Variants in HOOK1 observed in about 807,000 individuals in gnomAD.
HOOK1 encodes the protein hook microtubule tethering protein 1.
A neutral mutation model predicts 112.8 loss-of-function variants in HOOK1; 60 were observed. The observed-to-expected ratio is 0.53, with a 90% CI of 0.43 to 0.66. HOOK1 has a LOEUF of 0.66. Among genes scored for constraint, HOOK1 ranks in the 30% least tolerant of loss-of-function variants. The pLI, the probability that HOOK1 is intolerant of heterozygous loss-of-function variation, is 0.00. For missense variants in HOOK1, 770 were observed against 856.0 expected (o/e 0.90, Z 1.25); for synonymous variants, 294 against 283.8 (o/e 1.04, Z -0.36).
rs1010589572 is a variant in HOOK1 at position 59,843,556 on chromosome 1, A to T, written c.746A>T (p.His249Leu). Residue 249 changes from histidine to leucine, a missense_variant, in exon 9 of 22, where the codon CAT (histidine) becomes CTT (leucine). Physicochemically the swap from His to Leu is moderately conservative, Grantham distance 99. This residue lies in a region of HOOK1 where 655 missense variants were observed against 725.9 expected (regional missense o/e 0.90). Transcript: ENST00000371208. ...ACAGTGGTTGCAAAAAAGTATTTTC[A>T]TGCACAATTACAACTAGAACAATTA... The part of the protein sequence containing the change: ...PNTVVAKKYF[H>L]AQLQLEQLQE... 6 of 1,609,372 alleles carry T rather than the reference A, an allele frequency of 3.7e-6. No individual in the cohort carries two copies. The highest frequency in any genetic ancestry group is 5.1e-6 in the Non-Finnish European group (6 of 1,177,794).
chr1:59,815,314 C>G (rs548347772), intron 1 of HOOK1, 134 bp downstream of exon 1: 2 of 818,660 alleles, frequency 2.4e-6, no homozygotes, highest in Non-Finnish European at 3.7e-6. Context: ...ACCTCGTGCC[C>G]TTGACCGAGA....
chr1:59,841,227 G>A (rs1031805418), intron 8 of HOOK1, among the ~76,000 whole-genome samples: 1 of 152,166 alleles, frequency 6.6e-6, no homozygotes, highest in African/African-American at 2.4e-5. Flanking sequence ...AGAAGGTTAA[G>A]TGTACCTTCA....
chr1:59,873,980 T>C lies in HOOK1; in HGVS notation c.*1015T>C, dbSNP rs987363879. ...TTTATCTTGGGCTCAGTTTGTGGTATTCAGTTCGTTTCTGCCCAAAGCTCT... is the reference window on the plus strand; with the variant it reads ...TTTATCTTGGGCTCAGTTTGTGGTACTCAGTTCGTTTCTGCCCAAAGCTCT... On this transcript the variant is annotated 3_prime_UTR_variant, in exon 22 of 22. Transcript: ENST00000371208. The C allele has an allele frequency of 8.6e-5, 13 of 151,970 alleles. No individual in the cohort carries two copies. The highest frequency in any genetic ancestry group is 3.1e-4 in the African/African-American group (13 of 41,412). 9.4% of individuals were successfully genotyped at this position (151,970 alleles called of 1,614,324 possible).
chr1:59,865,038 C>T, intron 17 of HOOK1, 125 bp from the exon 18 acceptor site: 1 of 658,386 alleles, frequency 1.5e-6, no homozygotes, highest in Non-Finnish European at 2.8e-6. Flanking sequence ...CATGACAACC[C>T]CTGCAGTCAT....
intron 12 of HOOK1, among the ~76,000 whole-genome samples, chr1:59,849,604 C>G (rs1348962799): frequency 6.6e-6 from 1 of 151,630 alleles, no homozygotes; most frequent in Non-Finnish European, 1.5e-5. Flanking sequence ...ACTGCCATCA[C>G]TCTAAAAAGA....
At chr1:59,863,509 C>G (rs17119803) in intron 16 of HOOK1, among the ~76,000 whole-genome samples, 4,868 of 152,188 alleles carry the variant, frequency 0.032, 136 homozygotes, top group Admixed American at 0.087. Context: ...AGAGATCAAA[C>G]TTAGCCAAAA....
chr1:59,863,715 T>A (rs2098414805), intron 16 of HOOK1: 1 of 246,420 alleles, frequency 4.1e-6, no homozygotes, highest in Non-Finnish European at 6.5e-6. Flanking sequence ...GGAGGAAACT[T>A]TGCAGAGTAA....
At chr1:59,850,513 T>A (rs1226449571) in intron 12 of HOOK1, among the ~76,000 whole-genome samples, 1 of 151,560 alleles carries the variant, frequency 6.6e-6, no homozygotes, top group Non-Finnish European at 1.5e-5. Flanking sequence ...AGCTCATATA[T>A]TTAGTCTGTG....
At chr1:59,843,884 C>G (rs760602662) in intron 9 of HOOK1, among the ~76,000 whole-genome samples, 1 of 151,968 alleles carries the variant, frequency 6.6e-6, no homozygotes, top group Non-Finnish European at 1.5e-5. Flanking sequence ...TTGCTGAAAC[C>G]TGGGGAGAAC....
chr1:59,862,767 G>A lies in HOOK1; in HGVS notation c.1533-17G>A, dbSNP rs770217003. 2.7e-6 allele frequency: 4 copies of A among 1,504,848 alleles called. No individual in the cohort carries two copies. Among genetic ancestry groups the A allele is most frequent in the Non-Finnish European group, 3.7e-6 (4 of 1,081,670 alleles). 93.2% of individuals were successfully genotyped at this position (1,504,848 alleles called of 1,614,324 possible). A position where few individuals can be genotyped will look rare whatever the true frequency, so the allele number is the denominator to read the frequency against. On this transcript the variant is annotated splice_polypyrimidine_tract_variant and intron_variant, in intron 15 of 21. Coordinates refer to ENST00000371208, the MANE Select transcript of HOOK1 (RefSeq NM_015888.6). Reference sequence around the variant, plus strand: ...ACTTTCAATACAAGTAAATGCTTATGACCCATCTTACAATAGGCTGAGCAA... The same window carrying A: ...ACTTTCAATACAAGTAAATGCTTATAACCCATCTTACAATAGGCTGAGCAA...
intron 21 of HOOK1, 54 bp from the exon 22 acceptor site, chr1:59,872,741 C>A: frequency 8.1e-7 from 1 of 1,239,206 alleles, no homozygotes; most frequent in East Asian, 2.9e-5. Context: ...GAGAAGCACT[C>A]GGCAAACTCT....
At chr1:59,844,781 T>C (rs548404295) in intron 9 of HOOK1, among the ~76,000 whole-genome samples, 1 of 152,096 alleles carries the variant, frequency 6.6e-6, no homozygotes, top group East Asian at 1.9e-4. Flanking sequence ...GTATGTCTTT[T>C]GTTAATTTTT....
intron 2 of HOOK1, among the ~76,000 whole-genome samples, chr1:59,824,807 A>G (rs1397721363): frequency 6.6e-6 from 1 of 152,264 alleles, no homozygotes; most frequent in African/African-American, 2.4e-5. Flanking sequence ...TCTCTTTTTC[A>G]AATGCATGTA....
chr1:59,865,116 A>G (rs780760083), intron 17 of HOOK1, 47 bp from the exon 18 acceptor site: 20 of 1,183,824 alleles, frequency 1.7e-5, no homozygotes, highest in Non-Finnish European at 2.1e-5. Flanking sequence ...AAGGTCCACA[A>G]ATGTTATATG....
rs142171152 is a variant in HOOK1 at position 59,866,317 on chromosome 1, A to G, written c.1845+345A>G. Among the ~76,000 whole-genome samples the G allele has an allele frequency of 4.8e-3, 730 of 152,298 alleles. 7 individuals are homozygous for G. The highest frequency in any genetic ancestry group is 0.036 in the South Asian group (173 of 4,822). ...TCTTTGCAAATTTTCTAAGAATACA[A>G]TTTTTCTAGAAACAGCAAAATGGAT... is the stretch of plus-strand genomic sequence containing the variant. On this transcript the variant is annotated intron_variant, in intron 19 of 21. Coordinates refer to ENST00000371208, the MANE Select transcript of HOOK1 (RefSeq NM_015888.6).
Position 59,873,765 on chromosome 1 carries a change from A to ATAT in HOOK1, c.*800_*801insTAT, listed in dbSNP as rs1553465916. On this transcript the variant is annotated 3_prime_UTR_variant, in exon 22 of 22. Coordinates refer to ENST00000371208, the MANE Select transcript of HOOK1 (RefSeq NM_015888.6). ...TATATATATATATATATATATATAT[A>ATAT]CTTTTTGTGAAATGTCTATATACTT... The ATAT allele has an allele frequency of 3.1e-4, 38 of 122,976 alleles. No homozygotes were observed. Among genetic ancestry groups the ATAT allele is most frequent in the African/African-American group, 3.9e-4 (13 of 33,600 alleles). 7.6% of individuals were successfully genotyped at this position (122,976 alleles called of 1,614,324 possible).
intron 12 of HOOK1, among the ~76,000 whole-genome samples, chr1:59,854,023 TA>T: frequency 2.2e-4 from 6 of 26,746 alleles, no homozygotes; most frequent in African/African-American, 6.3e-4. Flanking sequence ...TATATATATA[TA>T]TATATATATA....
intron 12 of HOOK1, among the ~76,000 whole-genome samples, chr1:59,855,984 ATT>A (rs1167413179): frequency 5.0e-5 from 3 of 60,280 alleles, no homozygotes; most frequent in South Asian, 5.1e-4. Flanking sequence ...ATATATATAT[ATT>A]TTTTTTTTTT....
intron 2 of HOOK1, among the ~76,000 whole-genome samples, chr1:59,824,687 A>G (rs943348470): frequency 2.6e-4 from 40 of 152,200 alleles, no homozygotes; most frequent in African/African-American, 9.4e-4. Context: ...TAATATCTTT[A>G]TAAAGTGGTG....
Sources: allele counts gnomAD v4.1 joint callset (sites outside exome capture counted in the v4.1 genomes callset), GRCh38; gene constraint gnomAD v4.1.1; regional missense constraint gnomAD v4.1.1; transcripts MANE v1.5; gene names NCBI Gene and HGNC (gene_info 2026-07-23, HGNC 2026-07-21).